The following FNDC3B variants were observed in gnomAD, a reference collection of about 807,000 sequenced individuals.
FNDC3B encodes fibronectin type III domain-containing protein 3B.
In FNDC3B, 12 loss-of-function variants were observed where a neutral mutation model predicts 151.5. The ratio of observed to expected loss-of-function variants is 0.08; its 90% CI spans 0.05 to 0.13. The LOEUF (loss-of-function observed/expected upper bound fraction) is 0.13, where lower values mean the gene tolerates loss of function less well. FNDC3B is among the 10% of genes least tolerant of loss of function. The pLI is 1.00. For missense variants in FNDC3B, 1,214 were observed against 1,505.3 expected (o/e 0.81, Z 3.20); for synonymous variants, 528 against 549.0 (o/e 0.96, Z 0.54).
chr3:172,216,946 C>T (rs1726009949), intron 3 of FNDC3B, among the ~76,000 whole-genome samples: 1 of 152,198 alleles, frequency 6.6e-6, no homozygotes, highest in South Asian at 2.1e-4. Flanking sequence ...TCACCAAATG[C>T]TCATGCTGCT....
At chr3:172,371,259 A>G (rs1734866428) in intron 23 of FNDC3B, among the ~76,000 whole-genome samples, 1 of 152,196 alleles carries the variant, frequency 6.6e-6, no homozygotes, top group Non-Finnish European at 1.5e-5. Flanking sequence ...TGCCATTGCT[A>G]CGTAAATAGT....
At position 172,284,602 on chromosome 3, in the gene FNDC3B, G is replaced by A. The variant is rs575587721; in HGVS notation, c.791-1324G>A. On this transcript the variant is annotated intron_variant, in intron 6 of 25. Coordinates refer to ENST00000415807, the MANE Select transcript of FNDC3B (RefSeq NM_022763.4). ...AAACCTGAACAGTAAGGACAAACAG[G>A]TCTGTGCAGAGCTGGGCGTATTAAC... Among the ~76,000 whole-genome samples, 8 of 151,658 alleles carry A rather than the reference G, an allele frequency of 5.3e-5. No homozygotes were observed. The East Asian group carries it at 1.5e-3, about 29-fold the overall frequency.
intron 21 of FNDC3B, among the ~76,000 whole-genome samples, chr3:172,349,631 G>A (rs892948814): frequency 6.6e-6 from 1 of 152,036 alleles, no homozygotes; most frequent in Non-Finnish European, 1.5e-5. Flanking sequence ...TAATAGTATA[G>A]TATCAGTGAT....
rs956402346 is a variant in FNDC3B, at chr3:172,381,101, C to T, written c.3303+8C>T. 1.9e-6 allele frequency: 3 copies of T among 1,612,964 alleles called. No individual in the cohort carries two copies. Among genetic ancestry groups the T allele is most frequent in the African/African-American group, 1.3e-5 (1 of 74,992 alleles). ...GAATCTGAGTACAAACAGGTAAGAA[C>T]CAGTGTGCATGGCACATGTGCAACT... On this transcript the variant is annotated splice_region_variant and intron_variant, in intron 25 of 25. Coordinates refer to ENST00000415807, the MANE Select transcript of FNDC3B (RefSeq NM_022763.4).
chr3:172,252,681 C>T (rs7611421), intron 6 of FNDC3B, among the ~76,000 whole-genome samples: 7,971 of 152,036 alleles, frequency 0.052, 222 homozygotes, highest in Middle Eastern at 0.099. Context: ...TTTCCCCCTA[C>T]GTTATTTGGG....
intron 3 of FNDC3B, among the ~76,000 whole-genome samples, chr3:172,206,711 A>G (rs1409741373): frequency 6.6e-6 from 1 of 151,048 alleles, no homozygotes; most frequent in Non-Finnish European, 1.5e-5. Flanking sequence ...ACTATATTTT[A>G]GAAAGTGAGT....
At chr3:172,238,419 T>A (rs890233685) in intron 4 of FNDC3B, among the ~76,000 whole-genome samples, 28 of 152,226 alleles carry the variant, frequency 1.8e-4, no homozygotes, top group African/African-American at 5.8e-4. Flanking sequence ...CCTCCTGAAG[T>A]ACAGAGATTA....
chr3:172,272,418 G>A (rs1432540926), intron 6 of FNDC3B, among the ~76,000 whole-genome samples: 2 of 152,098 alleles, frequency 1.3e-5, no homozygotes, highest in Admixed American at 1.3e-4. Flanking sequence ...TGGCAGTGGG[G>A]AACAGTCACA....
intron 1 of FNDC3B, among the ~76,000 whole-genome samples, chr3:172,090,381 T>C (rs747797462): frequency 2.0e-5 from 3 of 151,992 alleles, no homozygotes; most frequent in Admixed American, 6.6e-5. Context: ...CCAAAGTCAA[T>C]TGGAGTGGGC....
In FNDC3B at chr3:172,330,761, GTAT is replaced by G. The variant is rs1262849402; in HGVS notation, c.1554+53_1554+55del. 1.2e-5 allele frequency: 17 copies of G among 1,466,584 alleles called. No homozygotes were observed. In the Admixed American group the frequency reaches 2.9e-4, roughly 25 times the overall value. The allele number at this position is 1,466,584 out of a possible 1,614,324, so 90.8% of individuals were successfully genotyped here. On this transcript the variant is annotated intron_variant, in intron 13 of 25. Transcript: ENST00000415807. ...ACTTCTCTGTGTTTTGTACGAGTCA[GTAT>G]TATTATAGCTACAGGGCACCATGAA... is the stretch of plus-strand genomic sequence containing the variant.
chr3:172,298,700 G>C (rs775622247), intron 8 of FNDC3B, 28 bp from the exon 9 acceptor site: 1 of 1,558,484 alleles, frequency 6.4e-7, no homozygotes. Context: ...ACTGGAATTA[G>C]CAACTAATGA....
At chr3:172,199,633 A>T (rs187428052) in intron 3 of FNDC3B, among the ~76,000 whole-genome samples, 6 of 152,358 alleles carry the variant, frequency 3.9e-5, no homozygotes, top group Admixed American at 1.3e-4. Flanking sequence ...AGGCTAATTG[A>T]TATAAATAGA....
intron 3 of FNDC3B, among the ~76,000 whole-genome samples, chr3:172,181,693 G>A (rs1031703566): frequency 6.6e-6 from 1 of 151,828 alleles, no homozygotes; most frequent in Non-Finnish European, 1.5e-5. Context: ...GCTAGGTGTG[G>A]TGGCACACAC....
intron 25 of FNDC3B, 47 bp from the exon 26 acceptor site, chr3:172,397,117 A>G (rs925100330): frequency 2.1e-6 from 3 of 1,450,210 alleles, no homozygotes; most frequent in Admixed American, 2.1e-5. Flanking sequence ...TCTAGAGACA[A>G]CAGTGTTGCT....
chr3:172,144,946 C>T (rs918001971), intron 3 of FNDC3B, among the ~76,000 whole-genome samples: 1 of 151,658 alleles, frequency 6.6e-6, no homozygotes, highest in African/African-American at 2.4e-5. Flanking sequence ...CTTTTGAGTT[C>T]TTTGAATTAG....
At chr3:172,066,946 A>G (rs16856859) in intron 1 of FNDC3B, among the ~76,000 whole-genome samples, 73,319 of 152,074 alleles carry the variant, frequency 0.48, 19,575 homozygotes, top group East Asian at 0.59. Context: ...GACATATACA[A>G]TACTCTCTTT....
At chr3:172,349,016 C>T (rs1733735248) in intron 21 of FNDC3B, among the ~76,000 whole-genome samples, 1 of 152,048 alleles carries the variant, frequency 6.6e-6, no homozygotes, top group Non-Finnish European at 1.5e-5. Context: ...ATTGGCCGGG[C>T]ATGGGGGCTC....
At chr3:172,151,693 C>A (rs1447580395) in intron 3 of FNDC3B, among the ~76,000 whole-genome samples, 1 of 152,152 alleles carries the variant, frequency 6.6e-6, no homozygotes, top group African/African-American at 2.4e-5. Flanking sequence ...TTAAAACCTG[C>A]GGTAGCTAAT....
At chr3:172,153,216 A>G (rs1461826220) in intron 3 of FNDC3B, among the ~76,000 whole-genome samples, 1 of 152,222 alleles carries the variant, frequency 6.6e-6, no homozygotes, top group East Asian at 1.9e-4. Context: ...CCCTCTAAGA[A>G]AAGGAGAAGA....
Sources: gnomAD v4.1 joint callset for allele counts (sites outside exome capture counted in the v4.1 genomes callset) on GRCh38, gnomAD v4.1.1 for gene constraint, MANE v1.5 for transcripts, NCBI Gene and HGNC (gene_info 2026-07-23, HGNC 2026-07-21) for gene names.